The following THADA variants were observed in gnomAD, a reference collection of about 807,000 sequenced individuals.
THADA encodes tRNA (32-2'-O)-methyltransferase regulator THADA.
THADA carries 213 observed loss-of-function variants against 219.8 expected under a neutral mutation model. The observed-to-expected ratio is 0.97, with a 90% CI of 0.87 to 1.09. THADA has a LOEUF of 1.09. THADA is among the 50% of genes least tolerant of loss of function. The pLI is 0.00. For synonymous variants in THADA, 1,018 were observed against 828.9 expected, an observed-to-expected ratio of 1.23 and a Z score of -3.92; for missense variants, 2,956 against 2,311.3, an observed-to-expected ratio of 1.28 and a Z score of -5.72.
At chr2:43,372,354 G>A (rs986843167) in intron 29 of THADA, 11 of 152,082 alleles carry the variant, frequency 7.2e-5, no homozygotes, top group Admixed American at 6.5e-4. Context: ...TAAACATCAC[G>A]GAGGAAGGTA....
intron 28 of THADA, among the ~76,000 whole-genome samples, chr2:43,409,531 C>T (rs867324105): frequency 2.0e-5 from 3 of 152,116 alleles, no homozygotes; most frequent in Middle Eastern, 3.4e-3. Context: ...TTTAAATACC[C>T]CTGAGAAAGT....
Position 43,252,261 on chromosome 2 carries a change from T to G in THADA, c.5297-19379A>C, listed in dbSNP as rs201012204. 2.6e-5 allele frequency among the ~76,000 whole-genome samples: 4 copies of G among 152,346 alleles called. No homozygotes were observed. In the East Asian group the frequency reaches 7.7e-4, roughly 29 times the overall value. ...TCTCTGATTTTACTCTACTCCCAAT[T>G]AACCATGATGACATCTGAGAACTTG... On this transcript the variant is annotated intron_variant, in intron 36 of 37. Transcript: ENST00000405975.
At chr2:43,249,080 T>C (rs1419202188) in intron 36 of THADA, among the ~76,000 whole-genome samples, 6 of 152,050 alleles carry the variant, frequency 3.9e-5, no homozygotes, top group Non-Finnish European at 7.4e-5. Flanking sequence ...CTCAGAACAA[T>C]GGTAGCCTTC....
chr2:43,313,675 A>G (rs945144376), intron 31 of THADA, among the ~76,000 whole-genome samples: 1 of 152,242 alleles, frequency 6.6e-6, no homozygotes, highest in African/African-American at 2.4e-5. Context: ...CAGAAACACA[A>G]GCAAGAAAGG....
intron 36 of THADA, among the ~76,000 whole-genome samples, chr2:43,254,011 T>C (rs1450810062): frequency 6.6e-6 from 1 of 151,972 alleles, no homozygotes; most frequent in African/African-American, 2.4e-5. Flanking sequence ...GTCCATGTGG[T>C]TTGGGTGGGG....
chr2:43,274,470 A>G (rs1030166383), intron 36 of THADA, among the ~76,000 whole-genome samples: 5 of 152,242 alleles, frequency 3.3e-5, no homozygotes, highest in African/African-American at 1.2e-4. Context: ...TGTACCTAAT[A>G]GAAAACAGTC....
At chr2:43,357,350 A>G (rs1668982951) in intron 29 of THADA, among the ~76,000 whole-genome samples, 1 of 152,222 alleles carries the variant, frequency 6.6e-6, no homozygotes, top group African/African-American at 2.4e-5. Flanking sequence ...GTGGAAGTAT[A>G]AATTGTCACA....
chr2:43,528,049 A>C, intron 21 of THADA, 61 bp from the exon 22 acceptor site: 1 of 1,248,426 alleles, frequency 8.0e-7, no homozygotes, highest in Admixed American at 1.7e-5. Flanking sequence ...GTGTATTTAT[A>C]TCAGTAACAC....
In THADA at chr2:43,398,113, G is replaced by A; in HGVS notation, c.4085C>T (p.Ser1362Phe). ...MRCGHSPVYH[S>F]REMAARALVP... is the part of the protein sequence containing the mutation. ...CAAGGCACGAGCTGCCATTTCACGGGAGTGGTAGACAGGTGAGTGACCACA... is the reference window on the plus strand; with the variant it reads ...CAAGGCACGAGCTGCCATTTCACGGAAGTGGTAGACAGGTGAGTGACCACA... The change falls in exon 29 of 38, where the codon TCC becomes TTC. Residue 1362 changes from serine to phenylalanine, a missense_variant. By Grantham distance (155) the Ser-to-Phe change is radical. Transcript: ENST00000405975. 6.2e-7 allele frequency: 1 copy of A among 1,613,998 alleles called. No homozygotes were observed. Among genetic ancestry groups the A allele is most frequent in the Non-Finnish European group, 8.5e-7 (1 of 1,179,844 alleles).
intron 28 of THADA, among the ~76,000 whole-genome samples, chr2:43,407,207 G>T (rs1263781055): frequency 6.6e-6 from 1 of 152,090 alleles, no homozygotes; most frequent in African/African-American, 2.4e-5. Flanking sequence ...CATATTTACA[G>T]TGATTGATTT....
intron 36 of THADA, among the ~76,000 whole-genome samples, chr2:43,276,369 G>C (rs1558504045): frequency 6.6e-6 from 1 of 152,160 alleles, no homozygotes; most frequent in African/African-American, 2.4e-5. Flanking sequence ...AGCATGTGCA[G>C]GAGATTCCAG....
chr2:43,572,894 G>T lies in THADA; in HGVS notation c.1828C>A (p.Leu610Ile). The T allele has an allele frequency of 6.2e-7, 1 of 1,613,938 alleles. No individual in the cohort carries two copies. Among genetic ancestry groups the T allele is most frequent in the Non-Finnish European group, 8.5e-7 (1 of 1,179,844 alleles). The change falls in exon 12 of 38, where the codon CTT (leucine) becomes ATT (isoleucine). Residue 610 changes from leucine (L) to isoleucine (I), a missense_variant. Leu to Ile is a conservative substitution (Grantham distance 5). Transcript: ENST00000405975. ...TCCCAGGTATCAGTTGCAGACTGAAGATGTCCATGAGCTCTAGCTATTCGC... is the reference window on the plus strand; with the variant it reads ...TCCCAGGTATCAGTTGCAGACTGAATATGTCCATGAGCTCTAGCTATTCGC... Reference protein sequence around the residue: ...CLRIARAHGHLQSATDTWENL... With the variant: ...CLRIARAHGHIQSATDTWENL...
intron 26 of THADA, among the ~76,000 whole-genome samples, chr2:43,476,468 T>A (rs767193696): frequency 6.6e-6 from 1 of 152,186 alleles, no homozygotes; most frequent in African/African-American, 2.4e-5. Context: ...TCTTTAAAAT[T>A]TCCTGGTTAT....
chr2:43,423,784 G>A (rs1281993070), intron 28 of THADA, among the ~76,000 whole-genome samples: 1 of 152,076 alleles, frequency 6.6e-6, no homozygotes, highest in South Asian at 2.1e-4. Context: ...CTCTTTGACT[G>A]GAACTTGAAA....
intron 9 of THADA, 92 bp downstream of exon 9, chr2:43,578,421 A>AT (rs757513014): frequency 3.0e-4 from 269 of 885,948 alleles, no homozygotes; most frequent in Non-Finnish European, 4.4e-4. Flanking sequence ...TGTTGGGATT[A>AT]TAAGTGTGAG....
In THADA at chr2:43,523,601, C is replaced by T. The variant is rs983821987; in HGVS notation, c.3374+4278G>A. ...TTCTGTTGAATTTGAATCATGGTAG[C>T]TATAATTAACTGATGAAAGTTTAAA... On this transcript the variant is annotated intron_variant, in intron 22 of 37. Coordinates refer to ENST00000405975, the MANE Select transcript of THADA (RefSeq NM_022065.5). Among the ~76,000 whole-genome samples the T allele has an allele frequency of 3.3e-5, 5 of 152,042 alleles. No homozygotes were observed. The East Asian group carries it at 9.6e-4, about 29-fold the overall frequency.
At chr2:43,397,117 A>C (rs573887194) in intron 29 of THADA, among the ~76,000 whole-genome samples, 1 of 152,242 alleles carries the variant, frequency 6.6e-6, no homozygotes, top group East Asian at 1.9e-4. Flanking sequence ...ATTCACACCC[A>C]GGCAGTCTGG....
chr2:43,376,948 A>G (rs954791961), intron 29 of THADA, among the ~76,000 whole-genome samples: 1 of 152,184 alleles, frequency 6.6e-6, no homozygotes, highest in African/African-American at 2.4e-5. Flanking sequence ...CACGGTCCTC[A>G]GCCTCAAAAA....
intron 19 of THADA, 60 bp downstream of exon 19, chr2:43,551,729 A>G: frequency 1.4e-6 from 2 of 1,400,012 alleles, no homozygotes; most frequent in South Asian, 1.6e-5. Flanking sequence ...AAAAAAAAAA[A>G]GAGGTAAAGA....
Sources: gnomAD v4.1 joint callset for allele counts (sites outside exome capture counted in the v4.1 genomes callset) on GRCh38, gnomAD v4.1.1 for gene constraint, MANE v1.5 for transcripts, NCBI Gene and HGNC (gene_info 2026-07-23, HGNC 2026-07-21) for gene names.